Variants in TNR observed in about 807,000 individuals in gnomAD.
TNR encodes the protein tenascin R, also known as tenascin-R.
Under a neutral mutation model 150.4 loss-of-function variants are expected in TNR, and 45 were observed. That is an observed-to-expected ratio of 0.30 (90% confidence interval 0.24 to 0.38). The LOEUF is 0.38. Ranked by LOEUF, TNR falls within the 10% of genes least tolerant of loss-of-function variation. The pLI is 1.00. For synonymous variants in TNR, 687 were observed against 678.4 expected (o/e 1.01, Z -0.20); for missense variants, 1,544 against 1,759.1 (o/e 0.88, Z 2.19).
intron 7 of TNR, among the ~76,000 whole-genome samples, chr1:175,390,501 T>TATAC (rs1365106450): frequency 6.6e-6 from 1 of 152,250 alleles, no homozygotes; most frequent in African/African-American, 2.4e-5. Context: ...CACACACATT[T>TATAC]ATACATCACA....
intron 1 of TNR, among the ~76,000 whole-genome samples, chr1:175,616,726 T>C (rs1208994647): frequency 1.3e-5 from 2 of 152,084 alleles, no homozygotes; most frequent in African/African-American, 2.4e-5. Flanking sequence ...ATGAGGAGCA[T>C]AGGAAAGAAG....
chr1:175,671,930 T>A lies in TNR; in HGVS notation c.-165+71296A>T, dbSNP rs182585988. ...CTGTACCTGTGTGTGTGTGTGTGTG[T>A]GTGTGTGTGTGTGTGTGTGTTGGAG... On this transcript the variant is annotated intron_variant, in intron 1 of 22. Transcript: ENST00000367674. Among the ~76,000 whole-genome samples the A allele has an allele frequency of 5.6e-3, 851 of 151,770 alleles. 3 individuals carry two copies. The highest frequency in any genetic ancestry group is 8.2e-3 in the Non-Finnish European group (557 of 67,954).
chr1:175,518,308 C>T (rs1264466361), intron 2 of TNR, among the ~76,000 whole-genome samples: 1 of 152,210 alleles, frequency 6.6e-6, no homozygotes, highest in Non-Finnish European at 1.5e-5. Context: ...TAAGCCAAGT[C>T]ACCCACAGGG....
chr1:175,323,966 C>A (rs1297466978), intron 22 of TNR, among the ~76,000 whole-genome samples: 2 of 152,184 alleles, frequency 1.3e-5, no homozygotes, highest in African/African-American at 4.8e-5. Context: ...CTCCCTGTCA[C>A]CCAGCTTAGC....
intron 1 of TNR, among the ~76,000 whole-genome samples, chr1:175,638,035 T>C (rs1435697629): frequency 5.3e-5 from 8 of 152,188 alleles, no homozygotes; most frequent in African/African-American, 1.7e-4. Flanking sequence ...ACAAGCTGCA[T>C]AGAAGCATCT....
chr1:175,636,411 C>A (rs56678359), intron 1 of TNR, among the ~76,000 whole-genome samples: 1 of 152,012 alleles, frequency 6.6e-6, no homozygotes, highest in African/African-American at 2.4e-5. Flanking sequence ...ATGCCCCTGA[C>A]TCATAGTCTT....
In TNR at chr1:175,318,877, C is replaced by T. The variant is rs1449705683; in HGVS notation, c.*4480G>A. On this transcript the variant is annotated 3_prime_UTR_variant, in exon 23 of 23. Transcript: ENST00000367674. ...CCATTCCTCTGAGGTCCTGAGACTCCTCCTGCAGCCGTGGCAAGTTTGAAG... is the reference window on the plus strand; with the variant it reads ...CCATTCCTCTGAGGTCCTGAGACTCTTCCTGCAGCCGTGGCAAGTTTGAAG... 6.6e-6 allele frequency: 1 copy of T among 152,232 alleles called. No homozygotes were observed. Among genetic ancestry groups the T allele is most frequent in the African/African-American group, 2.4e-5 (1 of 41,440 alleles). The allele number at this position is 152,232 out of a possible 1,614,324, so 9.4% of individuals were successfully genotyped here. A position where few individuals can be genotyped will look rare whatever the true frequency, so the allele number is the denominator to read the frequency against.
chr1:175,528,434 C>A (rs1170998308), intron 1 of TNR, 65 bp from the exon 2 acceptor site: 1 of 152,106 alleles, frequency 6.6e-6, no homozygotes, highest in Non-Finnish European at 1.5e-5. Context: ...CCCTGGTTTC[C>A]CTTTCTATTC....
At chr1:175,703,310 A>G (rs1269976156) in intron 1 of TNR, among the ~76,000 whole-genome samples, 3 of 152,208 alleles carry the variant, frequency 2.0e-5, no homozygotes, top group Non-Finnish European at 4.4e-5. Flanking sequence ...TAAGATCTCT[A>G]CTAACCCTTC....
intron 1 of TNR, among the ~76,000 whole-genome samples, chr1:175,539,479 A>G (rs1336963279): frequency 6.6e-6 from 1 of 152,226 alleles, no homozygotes; most frequent in Non-Finnish European, 1.5e-5. Flanking sequence ...TCAGATGAAG[A>G]CGGAAGTGTC....
intron 1 of TNR, among the ~76,000 whole-genome samples, chr1:175,563,709 T>A (rs1400469575): frequency 6.6e-6 from 1 of 152,210 alleles, no homozygotes; most frequent in Non-Finnish European, 1.5e-5. Flanking sequence ...CATGGAGACT[T>A]CTGCTGGGAA....
intron 1 of TNR, among the ~76,000 whole-genome samples, chr1:175,733,363 A>G (rs1443488429): frequency 6.6e-6 from 1 of 152,102 alleles, no homozygotes. Flanking sequence ...AGGTCTCTGC[A>G]CTTCTCACTG....
intron 1 of TNR, among the ~76,000 whole-genome samples, chr1:175,737,343 A>G (rs1352976593): frequency 6.6e-6 from 1 of 152,252 alleles, no homozygotes; most frequent in Non-Finnish European, 1.5e-5. Context: ...GATGTAAAGT[A>G]TTCAAAATGT....
intron 1 of TNR, among the ~76,000 whole-genome samples, chr1:175,731,895 G>A (rs1156970211): frequency 6.6e-6 from 1 of 152,182 alleles, no homozygotes; most frequent in African/African-American, 2.4e-5. Flanking sequence ...CATCTCCTCT[G>A]GTAGGAATCT....
chr1:175,349,872 AG>A (rs957177684), intron 18 of TNR, among the ~76,000 whole-genome samples: 1 of 152,154 alleles, frequency 6.6e-6, no homozygotes, highest in African/African-American at 2.4e-5. Flanking sequence ...TTCTCCTTTT[AG>A]GGGTTTGTTT....
chr1:175,424,924 G>A (rs1358948452), intron 2 of TNR, among the ~76,000 whole-genome samples: 1 of 152,006 alleles, frequency 6.6e-6, no homozygotes, highest in African/African-American at 2.4e-5. Flanking sequence ...TGAAGACCCT[G>A]GAGGGTGACT....
At chr1:175,414,784 C>T (rs914820158) in intron 2 of TNR, among the ~76,000 whole-genome samples, 1 of 152,150 alleles carries the variant, frequency 6.6e-6, no homozygotes, top group Non-Finnish European at 1.5e-5. Flanking sequence ...CCTCCTCTGA[C>T]TTTTGAGGGA....
chr1:175,365,235 A>G lies in TNR; in HGVS notation c.2362T>C (p.Ser788Pro). 1.9e-6 allele frequency: 3 copies of G among 1,613,788 alleles called. No homozygotes were observed. Among genetic ancestry groups the G allele is most frequent in the Non-Finnish European group, 2.5e-6 (3 of 1,179,804 alleles). Reference sequence around the variant, plus strand: ...TCACTCCAAGTGATGTTCACACTGGAGGAGGTCACATGAGAAAAGTGCAGA... The same window carrying G: ...TCACTCCAAGTGATGTTCACACTGGGGGAGGTCACATGAGAAAAGTGCAGA... ...SHLHFSHVTS[S>P]SVNITWSDPS... The change falls in exon 12 of 23, where the codon TCC (serine) becomes CCC (proline). Residue 788 changes from serine (S) to proline (P), a missense_variant. This residue lies in a region of TNR where 1,254 missense variants were observed against 1,329.4 expected (regional missense o/e 0.94). Transcript: ENST00000367674.
At position 175,403,365 on chromosome 1, in the gene TNR, C is replaced by T; in HGVS notation, c.751G>A (p.Val251Ile). Residue 251 changes from valine to isoleucine, a missense_variant, in exon 4 of 23, where the codon GTC becomes ATC. Physicochemically the swap from Val to Ile is conservative, Grantham distance 29. Coordinates refer to ENST00000367674, the MANE Select transcript of TNR (RefSeq NM_003285.3). ...TCGCCAGTGTAGGGCTCTTCACAGA[C>T]ACACTCCCCGTCCACGCAGAGCCCC... ...SRGLCVDGEC[V>I]CEEPYTGEDC... is the part of the protein sequence containing the mutation. The T allele has an allele frequency of 6.2e-7, 1 of 1,614,152 alleles. No homozygotes were observed. The highest frequency in any genetic ancestry group is 1.1e-5 in the South Asian group (1 of 91,082).
Sources: allele counts gnomAD v4.1 joint callset (sites outside exome capture counted in the v4.1 genomes callset), GRCh38; gene constraint gnomAD v4.1.1; regional missense constraint gnomAD v4.1.1; transcripts MANE v1.5; gene names NCBI Gene and HGNC (gene_info 2026-07-23, HGNC 2026-07-21).